PAK5: variants seen among roughly 807,000 people sequenced by gnomAD.
The protein encoded by PAK5 is serine/threonine-protein kinase PAK 5.
Under a neutral mutation model 65.9 loss-of-function variants are expected in PAK5, and 16 were observed. The observed-to-expected ratio is 0.24, with a 90% confidence interval of 0.16 to 0.37. The LOEUF (loss-of-function observed/expected upper bound fraction) is 0.37, where lower values mean the gene tolerates loss of function less well. Among genes scored for constraint, PAK5 ranks in the 10% least tolerant of loss-of-function variants. The pLI is 1.00. For missense variants in PAK5, 785 were observed against 903.9 expected (o/e 0.87, Z 1.69); for synonymous variants, 371 against 354.9 (o/e 1.05, Z -0.51).
intron 1 of PAK5, among the ~76,000 whole-genome samples, chr20:9,751,050 C>T (rs576249287): frequency 6.6e-6 from 1 of 152,222 alleles, no homozygotes; most frequent in Admixed American, 6.5e-5. Flanking sequence ...GGTAGCTTCC[C>T]AAAATTACAA....
intron 1 of PAK5, among the ~76,000 whole-genome samples, chr20:9,726,891 G>A (rs1394989789): frequency 2.0e-5 from 3 of 152,116 alleles, no homozygotes; most frequent in African/African-American, 7.2e-5. Context: ...ACACCAAAGA[G>A]GTGTGCTCTG....
chr20:9,824,958 G>A (rs556435184), intron 1 of PAK5, among the ~76,000 whole-genome samples: 3 of 152,250 alleles, frequency 2.0e-5, no homozygotes, highest in African/African-American at 4.8e-5. Flanking sequence ...TGAGTGACTC[G>A]TTGGGAATGT....
intron 3 of PAK5, among the ~76,000 whole-genome samples, chr20:9,602,392 A>T (rs2046377922): frequency 1.3e-5 from 2 of 152,208 alleles, no homozygotes; most frequent in African/African-American, 4.8e-5. Flanking sequence ...TAATGTTGCT[A>T]CCATACAACC....
intron 3 of PAK5, among the ~76,000 whole-genome samples, chr20:9,601,698 T>C (rs771132447): frequency 1.3e-5 from 2 of 152,168 alleles, no homozygotes; most frequent in Non-Finnish European, 2.9e-5. Context: ...TTTTGGCCAC[T>C]GGAATGTTGG....
chr20:9,546,209 G>A (rs533019343), intron 7 of PAK5, among the ~76,000 whole-genome samples: 1 of 152,248 alleles, frequency 6.6e-6, no homozygotes, highest in South Asian at 2.1e-4. Context: ...CTATCTGCAT[G>A]AGTAGATTCT....
intron 1 of PAK5, among the ~76,000 whole-genome samples, chr20:9,826,827 C>A (rs563147270): frequency 2.0e-5 from 3 of 152,236 alleles, no homozygotes; most frequent in South Asian, 4.1e-4. Context: ...AGGAATCACA[C>A]CACCAATTAG....
chr20:9,565,207 A>G (rs907854281), intron 5 of PAK5, among the ~76,000 whole-genome samples: 6 of 152,066 alleles, frequency 3.9e-5, no homozygotes, highest in Non-Finnish European at 8.8e-5. Context: ...ACCAAACTAC[A>G]TATATAATTA....
chr20:9,746,880 A>G (rs1386713876), intron 1 of PAK5, among the ~76,000 whole-genome samples: 1 of 152,192 alleles, frequency 6.6e-6, no homozygotes, highest in African/African-American at 2.4e-5. Flanking sequence ...CCTTCAAAAA[A>G]TTGATGAATC....
chr20:9,705,339 G>A (rs969199885), intron 2 of PAK5, among the ~76,000 whole-genome samples: 4 of 152,070 alleles, frequency 2.6e-5, no homozygotes, highest in African/African-American at 9.7e-5. Flanking sequence ...AACCTCATTA[G>A]TAACCAGGGA....
intron 2 of PAK5, among the ~76,000 whole-genome samples, chr20:9,673,216 T>C (rs17487677): frequency 0.037 from 5,579 of 152,232 alleles, 160 homozygotes; most frequent in Non-Finnish European, 0.049. Context: ...TAATCCTTAA[T>C]GTGTTTCCAG....
intron 7 of PAK5, among the ~76,000 whole-genome samples, chr20:9,546,299 T>C (rs1440495335): frequency 6.6e-6 from 1 of 152,200 alleles, no homozygotes; most frequent in Non-Finnish European, 1.5e-5. Context: ...TAATTTTTGA[T>C]GCATTTCAAA....
At chr20:9,813,918 G>A (rs1169146704) in intron 1 of PAK5, among the ~76,000 whole-genome samples, 1 of 152,100 alleles carries the variant, frequency 6.6e-6, no homozygotes, top group Non-Finnish European at 1.5e-5. Context: ...CCTTTTTTGT[G>A]TATATGTTAA....
intron 4 of PAK5, among the ~76,000 whole-genome samples, chr20:9,576,914 G>C (rs896606936): frequency 4.6e-5 from 7 of 152,228 alleles, no homozygotes; most frequent in African/African-American, 1.7e-4. Flanking sequence ...GGATTGTTAT[G>C]CTGGGGGCTT....
intron 7 of PAK5, among the ~76,000 whole-genome samples, chr20:9,551,060 G>T (rs1274009946): frequency 6.6e-6 from 1 of 152,080 alleles, no homozygotes; most frequent in Non-Finnish European, 1.5e-5. Flanking sequence ...GGCCTGTTCT[G>T]CTGCTGTAGG....
At chr20:9,814,192 G>C (rs1048541878) in intron 1 of PAK5, among the ~76,000 whole-genome samples, 1 of 152,076 alleles carries the variant, frequency 6.6e-6, no homozygotes, top group Non-Finnish European at 1.5e-5. Context: ...TGTTAGAAAA[G>C]GGTACTATAA....
intron 1 of PAK5, among the ~76,000 whole-genome samples, chr20:9,715,739 C>T (rs1490717079): frequency 6.6e-6 from 1 of 151,990 alleles, no homozygotes; most frequent in African/African-American, 2.4e-5. Flanking sequence ...AGTTCATGTC[C>T]TTTGTAGGGA....
intron 3 of PAK5, among the ~76,000 whole-genome samples, chr20:9,621,596 A>G (rs1056761703): frequency 6.6e-6 from 1 of 152,180 alleles, no homozygotes; most frequent in Non-Finnish European, 1.5e-5. Flanking sequence ...AAAAACTCTT[A>G]CATACTTCCA....
intron 1 of PAK5, among the ~76,000 whole-genome samples, chr20:9,774,946 A>T (rs1440200669): frequency 6.6e-6 from 1 of 152,110 alleles, no homozygotes; most frequent in Non-Finnish European, 1.5e-5. Flanking sequence ...GCAGAGCGAG[A>T]CTCGGTCAAA....
chr20:9,771,862 ACT>A (rs2048837787), intron 1 of PAK5, among the ~76,000 whole-genome samples: 1 of 151,698 alleles, frequency 6.6e-6, no homozygotes, highest in Non-Finnish European at 1.5e-5. Flanking sequence ...ACATGGCAAA[ACT>A]CTATCTCCAC....
Sources: allele counts gnomAD v4.1 joint callset (sites outside exome capture counted in the v4.1 genomes callset), GRCh38; gene constraint gnomAD v4.1.1; transcripts MANE v1.5; gene names NCBI Gene and HGNC (gene_info 2026-07-23, HGNC 2026-07-21).